The following OPCML variants were observed in gnomAD, a reference collection of about 807,000 sequenced individuals.
The protein encoded by OPCML is opioid binding protein/cell adhesion molecule like.
A neutral mutation model predicts 37.8 loss-of-function variants in OPCML; 13 were observed. The ratio of observed to expected loss-of-function variants is 0.34; its 90% CI spans 0.22 to 0.55. The LOEUF is 0.55. OPCML is among the 20% of genes least tolerant of loss of function. OPCML has a pLI of 0.91. For missense variants in OPCML, 341 were observed against 435.6 expected, an observed-to-expected ratio of 0.78 and a Z score of 1.93; for synonymous variants, 176 against 168.8, an observed-to-expected ratio of 1.04 and a Z score of -0.33.
At chr11:132,446,882 C>G (rs955257316) in intron 4 of OPCML, among the ~76,000 whole-genome samples, 1 of 152,274 alleles carries the variant, frequency 6.6e-6, no homozygotes, top group African/African-American at 2.4e-5. Context: ...GCAACCTACT[C>G]AAGCACAGCC....
chr11:133,240,902 C>G (rs1442391483), intron 1 of OPCML, among the ~76,000 whole-genome samples: 1 of 152,208 alleles, frequency 6.6e-6, no homozygotes, highest in Non-Finnish European at 1.5e-5. Flanking sequence ...ATCTTTTTAC[C>G]TTTCCTCCAT....
At chr11:132,491,921 C>T (rs1044474249) in intron 4 of OPCML, among the ~76,000 whole-genome samples, 2 of 136,480 alleles carry the variant, frequency 1.5e-5, no homozygotes, top group African/African-American at 5.6e-5. Context: ...TGGGACATAC[C>T]TAATTTTTTT....
chr11:132,746,911 C>T (rs55974725), intron 2 of OPCML, among the ~76,000 whole-genome samples: 80 of 152,238 alleles, frequency 5.3e-4, no homozygotes, highest in Non-Finnish European at 1.0e-3. Flanking sequence ...AGAACGAGGA[C>T]CTGCTCTGCT....
chr11:132,795,389 GTATAAAA>G (rs1247812407), intron 2 of OPCML, among the ~76,000 whole-genome samples: 1 of 152,118 alleles, frequency 6.6e-6, no homozygotes, highest in Non-Finnish European at 1.5e-5. Context: ...CATTCAAAGA[GTATAAAA>G]TACAATGTTT....
intron 1 of OPCML, among the ~76,000 whole-genome samples, chr11:133,140,531 TAAGAAGAAGAAGAAGAAGAAGAAGAAG>T (rs1168417109): frequency 2.3e-5 from 2 of 88,086 alleles, no homozygotes; most frequent in African/African-American, 8.1e-5. Flanking sequence ...ATAATAATAA[TAAGAAGAAGAAGAAGAAGAAGAAGAAG>T]AAGAAGAAGA....
intron 1 of OPCML, among the ~76,000 whole-genome samples, chr11:133,318,564 C>T (rs1205072459): frequency 1.3e-5 from 2 of 152,186 alleles, no homozygotes; most frequent in Non-Finnish European, 2.9e-5. Context: ...TGGAATTGAG[C>T]CAGTTCTACC....
chr11:133,182,384 T>A (rs1483862013), intron 1 of OPCML, among the ~76,000 whole-genome samples: 3 of 152,236 alleles, frequency 2.0e-5, no homozygotes, highest in Non-Finnish European at 4.4e-5. Flanking sequence ...TCTGTGTTTA[T>A]CTAAGCTGAA....
At chr11:132,974,643 C>T (rs973928385) in intron 1 of OPCML, among the ~76,000 whole-genome samples, 3 of 152,134 alleles carry the variant, frequency 2.0e-5, no homozygotes, top group Admixed American at 1.3e-4. Context: ...CCAGAAATCC[C>T]ATTATTGGGT....
At chr11:133,458,633 G>A (rs749415861) in intron 1 of OPCML, among the ~76,000 whole-genome samples, 2 of 103,996 alleles carry the variant, frequency 1.9e-5, no homozygotes, top group African/African-American at 1.8e-4. Flanking sequence ...ACGTGTGTGT[G>A]TATATACACA....
chr11:133,504,997 A>G (rs1187234549), intron 1 of OPCML, among the ~76,000 whole-genome samples: 1 of 152,252 alleles, frequency 6.6e-6, no homozygotes, highest in Non-Finnish European at 1.5e-5. Flanking sequence ...GGGGACAGGG[A>G]AGATGAATGT....
At chr11:133,420,333 T>C (rs1945861398) in intron 1 of OPCML, 13 of 985,498 alleles carry the variant, frequency 1.3e-5, no homozygotes, top group Non-Finnish European at 1.6e-5. Flanking sequence ...AGATCCTTTT[T>C]AGATATCCTT....
intron 1 of OPCML, among the ~76,000 whole-genome samples, chr11:133,159,058 C>G (rs758568668): frequency 7.2e-5 from 11 of 152,138 alleles, no homozygotes; most frequent in Non-Finnish European, 1.6e-4. Flanking sequence ...GAAGTCTTTC[C>G]TGCCTTTTCT....
chr11:133,497,450 G>A (rs907112084), intron 1 of OPCML, among the ~76,000 whole-genome samples: 12 of 151,920 alleles, frequency 7.9e-5, no homozygotes, highest in African/African-American at 2.4e-4. Flanking sequence ...TTCATTGAGC[G>A]TTTCCTTTCT....
intron 1 of OPCML, among the ~76,000 whole-genome samples, chr11:133,518,121 G>A (rs1176115548): frequency 2.0e-5 from 3 of 152,122 alleles, no homozygotes; most frequent in Non-Finnish European, 4.4e-5. Flanking sequence ...TGTGGTGTGT[G>A]TGGAGAAGAG....
intron 1 of OPCML, among the ~76,000 whole-genome samples, chr11:133,033,017 G>C (rs911222703): frequency 6.6e-5 from 10 of 152,004 alleles, no homozygotes; most frequent in Non-Finnish European, 1.3e-4. Context: ...GTCCAGAAAT[G>C]GTTGTCCATA....
chr11:132,689,225 A>G (rs1209174508), intron 2 of OPCML, among the ~76,000 whole-genome samples: 1 of 152,220 alleles, frequency 6.6e-6, no homozygotes, highest in Non-Finnish European at 1.5e-5. Flanking sequence ...AAGGGCAATT[A>G]GATTGTTACA....
intron 2 of OPCML, among the ~76,000 whole-genome samples, chr11:132,727,298 G>A (rs187550801): frequency 8.8e-4 from 134 of 152,298 alleles, no homozygotes; most frequent in African/African-American, 2.9e-3. Flanking sequence ...AATACTAGGT[G>A]ATCTGACGTT....
intron 2 of OPCML, among the ~76,000 whole-genome samples, chr11:132,658,286 G>A (rs372908209): frequency 6.6e-6 from 1 of 152,224 alleles, no homozygotes; most frequent in Non-Finnish European, 1.5e-5. Context: ...AGAGAGAGGA[G>A]GGACTTGAGT....
chr11:132,443,029 G>T (rs972070699), intron 4 of OPCML, among the ~76,000 whole-genome samples: 3 of 152,290 alleles, frequency 2.0e-5, no homozygotes, highest in Admixed American at 1.3e-4. Flanking sequence ...TCTCCATTTG[G>T]AATGATTAAA....
Sources: gnomAD v4.1 joint callset for allele counts (sites outside exome capture counted in the v4.1 genomes callset) on GRCh38, gnomAD v4.1.1 for gene constraint, MANE v1.5 for transcripts, NCBI Gene and HGNC (gene_info 2026-07-23, HGNC 2026-07-21) for gene names.